Variants in VAPA observed in about 807,000 individuals in gnomAD.
VAPA encodes vesicle-associated membrane protein-associated protein A.
A neutral mutation model predicts 25.6 loss-of-function variants in VAPA; 6 were observed. The ratio of observed to expected loss-of-function variants is 0.23; its 90% CI spans 0.13 to 0.46. VAPA has a LOEUF of 0.46. Among genes scored for constraint, VAPA ranks in the 20% least tolerant of loss-of-function variants. The pLI, the probability that VAPA is intolerant of heterozygous loss-of-function variation, is 0.99. For missense variants in VAPA, 244 were observed against 302.1 expected, an observed-to-expected ratio of 0.81 and a Z score of 1.43; for synonymous variants, 112 against 106.2, an observed-to-expected ratio of 1.05 and a Z score of -0.34.
chr18:9,934,964 A>G (rs1249010544), intron 2 of VAPA, among the ~76,000 whole-genome samples: 1 of 151,894 alleles, frequency 6.6e-6, no homozygotes. Context: ...GCATGGTGGC[A>G]GGCGCCTGTA....
At chr18:9,931,772 T>A in intron 1 of VAPA, 38 bp from the exon 2 acceptor site, 1 of 1,552,886 alleles carries the variant, frequency 6.4e-7, no homozygotes, top group Non-Finnish European at 8.7e-7. Flanking sequence ...GAGAATCCAA[T>A]TAAATTTTGT....
chr18:9,919,570 A>G (rs1035473229), intron 1 of VAPA, among the ~76,000 whole-genome samples: 4 of 152,254 alleles, frequency 2.6e-5, no homozygotes, highest in East Asian at 1.9e-4. Flanking sequence ...CAGTTGAACT[A>G]AGATTCCAAC....
intron 4 of VAPA, among the ~76,000 whole-genome samples, chr18:9,940,339 G>T (rs1194089346): frequency 6.6e-6 from 1 of 152,030 alleles, no homozygotes; most frequent in Non-Finnish European, 1.5e-5. Flanking sequence ...GATTTTTCCA[G>T]GTCCAGACCT....
intron 2 of VAPA, among the ~76,000 whole-genome samples, chr18:9,932,200 C>CT (rs2069262395): frequency 6.6e-6 from 1 of 152,122 alleles, no homozygotes; most frequent in African/African-American, 2.4e-5. Context: ...AAACTTTAGT[C>CT]TTTATTTCTA....
At chr18:9,921,959 A>G (rs548336700) in intron 1 of VAPA, among the ~76,000 whole-genome samples, 27 of 152,090 alleles carry the variant, frequency 1.8e-4, no homozygotes, top group African/African-American at 3.1e-4. Context: ...ATACGTGTTT[A>G]TTTATATATT....
rs74852348 is a variant in VAPA, at chr18:9,927,474, CTT to C, written c.80-4322_80-4321del. 9.1e-4 allele frequency among the ~76,000 whole-genome samples: 124 copies of C among 135,626 alleles called. 1 individual carries two copies. The highest frequency in any genetic ancestry group is 2.3e-3 in the African/African-American group (88 of 37,482). The allele number at this position is 135,626 out of a possible 152,430, so 89.0% of individuals were successfully genotyped here. A position where few individuals can be genotyped will look rare whatever the true frequency, so the allele number is the denominator to read the frequency against. ...GTTTTTAAGAACTGTTACAGTGGTT[CTT>C]TTTTTTTTTTTTTGATAGCTCTTCT... is the stretch of plus-strand genomic sequence containing the variant. On this transcript the variant is annotated intron_variant, in intron 1 of 5. Transcript: ENST00000400000.
intron 4 of VAPA, among the ~76,000 whole-genome samples, chr18:9,942,055 C>G (rs1032727933): frequency 6.6e-6 from 1 of 152,156 alleles, no homozygotes; most frequent in Non-Finnish European, 1.5e-5. Flanking sequence ...CAGCTTTTAA[C>G]TGCGTTGCTG....
intron 1 of VAPA, among the ~76,000 whole-genome samples, chr18:9,929,388 T>C (rs2069230490): frequency 6.6e-6 from 1 of 152,272 alleles, no homozygotes; most frequent in African/African-American, 2.4e-5. Flanking sequence ...CTTCTCTTTT[T>C]TGAAGATCTT....
At chr18:9,936,810 T>C (rs765989055) in intron 3 of VAPA, 176 bp from the exon 4 acceptor site, 1 of 544,826 alleles carries the variant, frequency 1.8e-6, no homozygotes, top group Non-Finnish European at 3.3e-6. Context: ...ACTAGGATTA[T>C]ATAAAGGTTC....
At chr18:9,918,264 T>TA (rs765650427) in intron 1 of VAPA, among the ~76,000 whole-genome samples, 2 of 152,322 alleles carry the variant, frequency 1.3e-5, no homozygotes, top group East Asian at 3.9e-4. Flanking sequence ...TCTTTGATTT[T>TA]AAAAACAAAT....
At chr18:9,947,742 GT>G (rs1403506121) in intron 4 of VAPA, 1 of 152,132 alleles carries the variant, frequency 6.6e-6, no homozygotes, top group African/African-American at 2.4e-5. Context: ...GAAACAAGCT[GT>G]TTTATTGGAG....
chr18:9,922,401 T>G (rs1256236163), intron 1 of VAPA, among the ~76,000 whole-genome samples: 1 of 152,166 alleles, frequency 6.6e-6, no homozygotes, highest in Non-Finnish European at 1.5e-5. Flanking sequence ...CGTAATAACA[T>G]TAACAGTAAT....
rs1443066890 is a variant in VAPA at position 9,957,216 on chromosome 18, G to GTTT, written c.*3005_*3006insTTT. ...CCGGCTAATTTTTGTATTTTTAGTAGAGACAAGGTTTCACCATGTTGGTCA... is the reference window on the plus strand; with the variant it reads ...CCGGCTAATTTTTGTATTTTTAGTAGTTTAGACAAGGTTTCACCATGTTGGTCA... On this transcript the variant is annotated 3_prime_UTR_variant, in exon 6 of 6. Coordinates refer to ENST00000400000, the MANE Select transcript of VAPA (RefSeq NM_194434.3). 2.0e-5 allele frequency: 3 copies of GTTT among 152,030 alleles called. No individual in the cohort carries two copies. The highest frequency in any genetic ancestry group is 4.4e-5 in the Non-Finnish European group (3 of 68,018). The allele number at this position is 152,030 out of a possible 1,614,324, so 9.4% of individuals were successfully genotyped here. A position where few individuals can be genotyped will look rare whatever the true frequency, so the allele number is the denominator to read the frequency against.
rs961253048 is a variant in VAPA at position 9,951,008 on chromosome 18, C to CT, written c.591+450dup. On this transcript the variant is annotated intron_variant, in intron 5 of 5. Coordinates refer to ENST00000400000, the MANE Select transcript of VAPA (RefSeq NM_194434.3). ...GAGTTAGTACAGAAAAAGGTAAAAT[C>CT]TTTTTTTTTTAATGGTTACATACTG... The CT allele has an allele frequency of 1.5e-3, 226 of 148,306 alleles. 2 individuals carry two copies. The highest frequency in any genetic ancestry group is 6.9e-3 in the Middle Eastern group (2 of 290). 9.2% of individuals were successfully genotyped at this position (148,306 alleles called of 1,614,324 possible).
Position 9,945,192 on chromosome 18 carries a change from CA to C in VAPA, c.418-5201del, listed in dbSNP as rs560403038. 2,495 of 1,078,464 alleles carry C rather than the reference CA, an allele frequency of 2.3e-3. 5 individuals carry two copies. Among genetic ancestry groups the C allele is most frequent in the Non-Finnish European group, 3.0e-3 (2,274 of 757,790 alleles). The allele number at this position is 1,078,464 out of a possible 1,614,324, so 66.8% of individuals were successfully genotyped here. On this transcript the variant is annotated intron_variant, in intron 4 of 5. Transcript: ENST00000400000. ...TAGAATTGAACTATGCCTAAAATTACAATAAAACTACAAAGCACTTAAAAAT... is the reference window on the plus strand; with the variant it reads ...TAGAATTGAACTATGCCTAAAATTACATAAAACTACAAAGCACTTAAAAAT...
chr18:9,936,973 T>C lies in VAPA; in HGVS notation c.337-13T>C. 1 of 1,612,588 alleles carries C rather than the reference T, an allele frequency of 6.2e-7. No individual in the cohort carries two copies. ...ACCTCCTATGTCTCATGTTTGGTTTTGTTTATTTTTAGTGGAAAGAGGCAA... is the reference window on the plus strand; with the variant it reads ...ACCTCCTATGTCTCATGTTTGGTTTCGTTTATTTTTAGTGGAAAGAGGCAA... On this transcript the variant is annotated splice_polypyrimidine_tract_variant and intron_variant, in intron 3 of 5. Transcript: ENST00000400000.
At chr18:9,922,339 A>C (rs2069163943) in intron 1 of VAPA, among the ~76,000 whole-genome samples, 1 of 152,192 alleles carries the variant, frequency 6.6e-6, no homozygotes, top group Admixed American at 6.5e-5. Context: ...TTGAGTTTGC[A>C]TTTATAACCA....
In VAPA at chr18:9,934,255, A is replaced by G. The variant is rs1256194039; in HGVS notation, c.233-1855A>G. ...CGCTTTGTTTTTTGAATTTGCTTCA[A>G]TTTGTGCACATTTTTATATATGTTT... On this transcript the variant is annotated intron_variant, in intron 2 of 5. Coordinates refer to ENST00000400000, the MANE Select transcript of VAPA (RefSeq NM_194434.3). 9.9e-5 allele frequency among the ~76,000 whole-genome samples: 15 copies of G among 151,904 alleles called. 1 individual carries two copies. In the Middle Eastern group the frequency reaches 0.014, roughly 139 times the overall value.
rs1412265423 is a variant in VAPA at position 9,936,908 on chromosome 18, T to C, written c.337-78T>C. 91 of 1,270,084 alleles carry C rather than the reference T, an allele frequency of 7.2e-5. 2 individuals are homozygous for C. In the South Asian group the frequency reaches 1.1e-3, roughly 15 times the overall value. The allele number at this position is 1,270,084 out of a possible 1,614,324, so 78.7% of individuals were successfully genotyped here. A position where few individuals can be genotyped will look rare whatever the true frequency, so the allele number is the denominator to read the frequency against. On this transcript the variant is annotated intron_variant, in intron 3 of 5. Transcript: ENST00000400000. Reference sequence around the variant, plus strand: ...CAAGCCAGGCAGCTTCACTCATCTTTTAGCTGTCCCGTGAGGTGAAACTTA... The same window carrying C: ...CAAGCCAGGCAGCTTCACTCATCTTCTAGCTGTCCCGTGAGGTGAAACTTA...
Sources: allele counts gnomAD v4.1 joint callset (sites outside exome capture counted in the v4.1 genomes callset), GRCh38; gene constraint gnomAD v4.1.1; transcripts MANE v1.5; gene names NCBI Gene and HGNC (gene_info 2026-07-23, HGNC 2026-07-21).